TRPM3: variants seen among roughly 807,000 people sequenced by gnomAD.
The protein encoded by TRPM3 is transient receptor potential cation channel subfamily M member 3.
TRPM3 carries 77 observed loss-of-function variants against 181.2 expected under a neutral mutation model. That is an observed-to-expected ratio of 0.42 (90% CI 0.35 to 0.51). The LOEUF is 0.51. Among genes scored for constraint, TRPM3 ranks in the 20% least tolerant of loss-of-function variants. TRPM3 has a pLI of 0.01. For synonymous variants in TRPM3, 745 were observed against 796.4 expected (o/e 0.94, Z 1.09); for missense variants, 1,759 against 2,196.7 (o/e 0.80, Z 3.98).
At chr9:71,306,405 T>C (rs2087324326) in intron 1 of TRPM3, among the ~76,000 whole-genome samples, 1 of 152,178 alleles carries the variant, frequency 6.6e-6, no homozygotes, top group South Asian at 2.1e-4. Context: ...TCTTTGTTTT[T>C]TCATTTCCTC....
intron 6 of TRPM3, among the ~76,000 whole-genome samples, chr9:70,816,078 T>A (rs2092661926): frequency 6.6e-6 from 1 of 152,244 alleles, no homozygotes; most frequent in Non-Finnish European, 1.5e-5. Context: ...AGCTACCATT[T>A]AGGTTTCATT....
At chr9:71,341,479 C>A (rs1162358366) in intron 1 of TRPM3, among the ~76,000 whole-genome samples, 2 of 152,006 alleles carry the variant, frequency 1.3e-5, no homozygotes, top group Non-Finnish European at 2.9e-5. Context: ...TCAACCTATT[C>A]ACTGGAAAAC....
intron 1 of TRPM3, among the ~76,000 whole-genome samples, chr9:70,926,586 G>A (rs1033481321): frequency 2.0e-5 from 3 of 152,218 alleles, no homozygotes; most frequent in East Asian, 1.9e-4. Context: ...TCACCTAATA[G>A]TGCTTCAAAG....
At chr9:70,683,655 C>T (rs1389152187) in intron 8 of TRPM3, among the ~76,000 whole-genome samples, 1 of 151,750 alleles carries the variant, frequency 6.6e-6, no homozygotes, top group Non-Finnish European at 1.5e-5. Flanking sequence ...TGGTAAGGGC[C>T]GTCAGGTAGA....
intron 1 of TRPM3, among the ~76,000 whole-genome samples, chr9:71,163,055 A>C (rs1165878310): frequency 6.6e-6 from 1 of 152,176 alleles, no homozygotes; most frequent in East Asian, 1.9e-4. Flanking sequence ...GAGCTAAGCC[A>C]AGGCCGATTT....
chr9:71,142,333 C>T (rs2075154308), intron 1 of TRPM3, among the ~76,000 whole-genome samples: 1 of 152,018 alleles, frequency 6.6e-6, no homozygotes, highest in Admixed American at 6.6e-5. Flanking sequence ...TCAAAACAAA[C>T]CCTAAAGCAA....
chr9:71,436,491 CGG>C (rs35749098), intron 1 of TRPM3, among the ~76,000 whole-genome samples: 2 of 151,390 alleles, frequency 1.3e-5, no homozygotes, highest in Non-Finnish European at 2.9e-5. Flanking sequence ...TTAGTAGAGA[CGG>C]GGGGTTTCAC....
rs911482349 is a variant in TRPM3 at position 71,337,080 on chromosome 9, A to G, written c.183+109573T>C. Among the ~76,000 whole-genome samples, 7 of 152,218 alleles carry G rather than the reference A, an allele frequency of 4.6e-5. No individual in the cohort carries two copies. The East Asian group carries it at 1.2e-3, about 25-fold the overall frequency. On this transcript the variant is annotated intron_variant, in intron 1 of 24. Coordinates refer to the TRPM3 transcript ENST00000357533. ...TGACTAAAACACGAAAAGCAATGGC[A>G]ACAAAAGGCAAAATTGAAAAATGGG...
At chr9:71,158,134 G>T (rs2076096783) in intron 1 of TRPM3, among the ~76,000 whole-genome samples, 1 of 152,028 alleles carries the variant, frequency 6.6e-6, no homozygotes, top group South Asian at 2.1e-4. Flanking sequence ...AATATATTTT[G>T]CCAAGCACAA....
At chr9:71,007,246 T>C (rs564767309) in intron 1 of TRPM3, among the ~76,000 whole-genome samples, 2 of 152,088 alleles carry the variant, frequency 1.3e-5, no homozygotes, top group East Asian at 3.9e-4. Flanking sequence ...AGAGATTGAC[T>C]ATAAAACACT....
intron 22 of TRPM3, among the ~76,000 whole-genome samples, chr9:70,584,064 G>C (rs1048917551): frequency 2.0e-5 from 3 of 151,912 alleles, no homozygotes; most frequent in Admixed American, 6.6e-5. Flanking sequence ...TTTTGAGACA[G>C]GGTCTTGCTC....
intron 1 of TRPM3, among the ~76,000 whole-genome samples, chr9:71,228,206 T>C (rs182615716): frequency 3.3e-5 from 5 of 152,262 alleles, no homozygotes; most frequent in African/African-American, 1.2e-4. Context: ...TGTGATGCAT[T>C]ATATCAACAG....
At chr9:71,095,777 AAG>A (rs2067068639) in intron 1 of TRPM3, among the ~76,000 whole-genome samples, 1 of 149,382 alleles carries the variant, frequency 6.7e-6, no homozygotes, top group African/African-American at 2.5e-5. Context: ...AAAAAAAAAA[AAG>A]AAAGAAAGAA....
At chr9:71,105,806 C>T (rs2069390292) in intron 1 of TRPM3, among the ~76,000 whole-genome samples, 2 of 152,212 alleles carry the variant, frequency 1.3e-5, no homozygotes, top group East Asian at 3.9e-4. Context: ...TACGTGTATA[C>T]ACACACACAT....
intron 1 of TRPM3, among the ~76,000 whole-genome samples, chr9:71,118,449 A>G (rs576710282): frequency 6.6e-6 from 1 of 152,316 alleles, no homozygotes; most frequent in East Asian, 1.9e-4. Context: ...AGGATTATGA[A>G]GCCATTTCTA....
intron 6 of TRPM3, chr9:70,825,731 G>A (rs187356158): frequency 1.9e-4 from 29 of 152,550 alleles, no homozygotes; most frequent in Admixed American, 1.3e-3. Context: ...TTCCCCTGCA[G>A]TGCCATCCAT....
rs1044547485 is a variant in TRPM3, at chr9:70,810,362, C to T, written c.973+17485G>A. On this transcript the variant is annotated intron_variant, in intron 6 of 25. Transcript: ENST00000677713. ...TCCATCACCCTGTCCTATGGATACA[C>T]GATCAGGAGGTCCTCTTCTTGCCTC... Among the ~76,000 whole-genome samples the T allele has an allele frequency of 9.7e-5, 13 of 134,232 alleles. No homozygotes were observed. In the Middle Eastern group the frequency reaches 0.014, roughly 143 times the overall value. 88.1% of individuals were successfully genotyped at this position (134,232 alleles called of 152,430 possible). A position where few individuals can be genotyped will look rare whatever the true frequency, so the allele number is the denominator to read the frequency against.
chr9:70,961,487 T>C (rs1290149582), intron 1 of TRPM3, among the ~76,000 whole-genome samples: 1 of 152,180 alleles, frequency 6.6e-6, no homozygotes. Flanking sequence ...GGTAAAGCCA[T>C]GCTTGTTCAC....
intron 8 of TRPM3, among the ~76,000 whole-genome samples, chr9:70,744,971 T>A (rs928359377): frequency 3.9e-5 from 6 of 152,260 alleles, no homozygotes; most frequent in South Asian, 2.1e-4. Flanking sequence ...TGTCTTTGAG[T>A]CTTGGTTTCT....
Sources: gnomAD v4.1 joint callset for allele counts (sites outside exome capture counted in the v4.1 genomes callset) on GRCh38, gnomAD v4.1.1 for gene constraint, MANE v1.5 for transcripts, NCBI Gene and HGNC (gene_info 2026-07-23, HGNC 2026-07-21) for gene names.